GRM5: variants seen among roughly 807,000 people sequenced by gnomAD.
GRM5 encodes glutamate metabotropic receptor 5.
Under a neutral mutation model 83.1 loss-of-function variants are expected in GRM5, and 19 were observed. The observed-to-expected ratio is 0.23, with a 90% CI of 0.16 to 0.34. The LOEUF is 0.34. GRM5 is among the 10% of genes least tolerant of loss of function. The pLI, the probability that GRM5 is intolerant of heterozygous loss-of-function variation, is 1.00. For synonymous variants in GRM5, 675 were observed against 633.6 expected, an observed-to-expected ratio of 1.07 and a Z score of -0.98; for missense variants, 1,160 against 1,588.3, an observed-to-expected ratio of 0.73 and a Z score of 4.58.
rs114402340 is a variant in GRM5, at chr11:88,717,755, A to T, written c.912-64352T>A. ...AATGTATATATACATTTAGGAAAAT[A>T]CTTCAAGGAAATACATTGAAACATT... On this transcript the variant is annotated intron_variant, in intron 3 of 9. Transcript: ENST00000305447. Among the ~76,000 whole-genome samples the T allele has an allele frequency of 7.7e-3, 1,165 of 151,994 alleles. 17 individuals carry two copies. The highest frequency in any genetic ancestry group is 0.027 in the African/African-American group (1,105 of 41,538).
rs576893164 is a variant in GRM5 at position 88,955,108 on chromosome 11, C to G, written c.661+92104G>C. Among the ~76,000 whole-genome samples, 4 of 152,198 alleles carry G rather than the reference C, an allele frequency of 2.6e-5. No homozygotes were observed. In the East Asian group the frequency reaches 5.8e-4, roughly 22 times the overall value. On this transcript the variant is annotated intron_variant, in intron 2 of 9. Transcript: ENST00000305447. ...ATTAATAGTGGTAACACAAAGCCAA[C>G]AAGCAAGTAATTTTGTGTTGTTTGT...
At chr11:88,626,035 C>T (rs1267332545) in intron 4 of GRM5, among the ~76,000 whole-genome samples, 1 of 151,562 alleles carries the variant, frequency 6.6e-6, no homozygotes, top group African/African-American at 2.4e-5. Flanking sequence ...TTTTTTTTAC[C>T]AGATTACCTC....
At chr11:88,923,076 CA>C (rs896448649) in intron 2 of GRM5, among the ~76,000 whole-genome samples, 12 of 151,984 alleles carry the variant, frequency 7.9e-5, no homozygotes, top group African/African-American at 2.7e-4. Flanking sequence ...CAGGAAATAA[CA>C]AATGCTGGCA....
chr11:88,759,599 G>T (rs1206082802), intron 3 of GRM5, among the ~76,000 whole-genome samples: 1 of 152,124 alleles, frequency 6.6e-6, no homozygotes, highest in African/African-American at 2.4e-5. Flanking sequence ...GACCTACAAA[G>T]GGACTTAGAT....
In GRM5 at chr11:89,047,967, C is replaced by T. The variant is rs534039139; in HGVS notation, c.-95G>A. Reference sequence around the variant, plus strand: ...GAACAAGCGATGTCCTACGTTGAGTCGCAAATCAAGAAATTAGCCAGCAAT... The same window carrying T: ...GAACAAGCGATGTCCTACGTTGAGTTGCAAATCAAGAAATTAGCCAGCAAT... On this transcript the variant is annotated 5_prime_UTR_variant, in exon 2 of 10. Transcript: ENST00000305447. This position sits in a 1 kb window ranked among gnomAD's most constrained non-coding sequence, Gnocchi z 5.1. 2.8e-5 allele frequency: 24 copies of T among 870,218 alleles called. No individual in the cohort carries two copies. Among genetic ancestry groups the T allele is most frequent in the African/African-American group, 6.8e-5 (4 of 59,216 alleles). 53.9% of individuals were successfully genotyped at this position (870,218 alleles called of 1,614,324 possible).
chr11:88,568,995 G>C (rs1424530131), intron 7 of GRM5, among the ~76,000 whole-genome samples: 1 of 152,126 alleles, frequency 6.6e-6, no homozygotes. Flanking sequence ...AATAGTGACA[G>C]AATATAGCAT....
Position 88,504,808 on chromosome 11 carries a change from C to T in GRM5, c.*3784G>A, listed in dbSNP as rs992450803. On this transcript the variant is annotated 3_prime_UTR_variant, in exon 10 of 10. Transcript: ENST00000305447. Reference sequence around the variant, plus strand: ...AACATTCTCTATTATTTTAATAGTACAAGCTGCCACAACAGAGAAAGAACA... The same window carrying T: ...AACATTCTCTATTATTTTAATAGTATAAGCTGCCACAACAGAGAAAGAACA... The T allele has an allele frequency of 6.6e-6, 1 of 152,050 alleles. No homozygotes were observed. Among genetic ancestry groups the T allele is most frequent in the Admixed American group, 6.6e-5 (1 of 15,266 alleles). 9.4% of individuals were successfully genotyped at this position (152,050 alleles called of 1,614,324 possible).
chr11:89,010,110 A>G (rs1940656422), intron 2 of GRM5, among the ~76,000 whole-genome samples: 1 of 150,966 alleles, frequency 6.6e-6, no homozygotes, highest in African/African-American at 2.4e-5. Context: ...TATACATTAC[A>G]AAGGATTGAG....
intron 3 of GRM5, among the ~76,000 whole-genome samples, chr11:88,821,344 CAAAA>C (rs375051761): frequency 1.0e-4 from 7 of 68,168 alleles, no homozygotes; most frequent in East Asian, 7.5e-4. Context: ...CTTGAGGGGC[CAAAA>C]AAAAAAAAAA....
At chr11:89,028,642 G>C (rs1941187857) in intron 2 of GRM5, among the ~76,000 whole-genome samples, 1 of 152,120 alleles carries the variant, frequency 6.6e-6, no homozygotes, top group African/African-American at 2.4e-5. Context: ...ATAATTTTTA[G>C]CCATATATCA....
chr11:88,726,327 C>T (rs868056987), intron 3 of GRM5, among the ~76,000 whole-genome samples: 1 of 151,938 alleles, frequency 6.6e-6, no homozygotes, highest in African/African-American at 2.4e-5. Flanking sequence ...AGTGTGAAGA[C>T]AAGATTAGAG....
At chr11:88,799,467 T>G (rs1943347733) in intron 3 of GRM5, among the ~76,000 whole-genome samples, 1 of 152,128 alleles carries the variant, frequency 6.6e-6, no homozygotes, top group Non-Finnish European at 1.5e-5. Context: ...TATAGGTATG[T>G]GAGTGCATGG....
At chr11:88,766,623 C>T (rs1252928817) in intron 3 of GRM5, among the ~76,000 whole-genome samples, 1 of 151,906 alleles carries the variant, frequency 6.6e-6, no homozygotes, top group Non-Finnish European at 1.5e-5. Flanking sequence ...CCTAGGCAAT[C>T]GCATTCTGGA....
intron 7 of GRM5, among the ~76,000 whole-genome samples, chr11:88,589,806 C>T (rs1026045966): frequency 6.6e-6 from 1 of 152,010 alleles, no homozygotes; most frequent in African/African-American, 2.4e-5. Flanking sequence ...ACTTTTTTGC[C>T]TCCTTTATTA....
intron 3 of GRM5, among the ~76,000 whole-genome samples, chr11:88,830,897 C>A (rs1943978996): frequency 6.6e-6 from 1 of 152,078 alleles, no homozygotes. Flanking sequence ...ACATGGATGG[C>A]AGCAGGCAAA....
At position 88,508,959 on chromosome 11, in the gene GRM5, G is replaced by T; in HGVS notation, c.3272C>A (p.Ala1091Asp). The change falls in exon 10 of 10, where the codon GCC (alanine) becomes GAC (aspartate). Residue 1091 changes from alanine to aspartate, a missense_variant. Transcript: ENST00000305447. The surrounding 1 kb of genome is among the most constrained non-coding windows in gnomAD (Gnocchi z 4.2). ...STAAPSPGVG[A>D]PLCSSYLIPK... ...GATCAGGTAGGACGAGCAGAGCGGG[G>T]CGCCGACGCCGGGGCTGGGGGCCGC... 1 of 1,592,350 alleles carries T rather than the reference G, an allele frequency of 6.3e-7. No homozygotes were observed. Among genetic ancestry groups the T allele is most frequent in the Non-Finnish European group, 8.5e-7 (1 of 1,169,670 alleles).
intron 4 of GRM5, among the ~76,000 whole-genome samples, chr11:88,632,341 T>A (rs1938998678): frequency 6.9e-6 from 1 of 145,860 alleles, no homozygotes; most frequent in Non-Finnish European, 1.5e-5. Context: ...TAAGCGATCC[T>A]CCTGCCTCAG....
intron 3 of GRM5, among the ~76,000 whole-genome samples, chr11:88,799,804 A>G (rs1943354838): frequency 6.6e-6 from 1 of 152,152 alleles, no homozygotes; most frequent in African/African-American, 2.4e-5. Flanking sequence ...ACCTACAGAA[A>G]TGAAAATGGC....
chr11:88,700,594 A>G (rs1022464088), intron 3 of GRM5, among the ~76,000 whole-genome samples: 2 of 152,058 alleles, frequency 1.3e-5, no homozygotes, highest in African/African-American at 4.8e-5. Context: ...AGTATTTTCC[A>G]TGTGAAGATT....
Sources: gnomAD v4.1 joint callset for allele counts (sites outside exome capture counted in the v4.1 genomes callset) on GRCh38, gnomAD v4.1.1 for gene constraint, Gnocchi (gnomAD v3.1) non-coding constraint, MANE v1.5 for transcripts, NCBI Gene and HGNC (gene_info 2026-07-23, HGNC 2026-07-21) for gene names.